ENPP6: variants seen among roughly 807,000 people sequenced by gnomAD.
ENPP6 encodes the protein glycerophosphocholine cholinephosphodiesterase ENPP6.
ENPP6 carries 32 observed loss-of-function variants against 42.0 expected under a neutral mutation model. That is an observed-to-expected ratio of 0.76 (90% CI 0.58 to 1.02). The LOEUF is 1.02. ENPP6 is among the 50% of genes least tolerant of loss of function. The pLI is 0.00. For synonymous variants in ENPP6, 213 were observed against 216.0 expected (o/e 0.99, Z 0.12); for missense variants, 552 against 566.8 (o/e 0.97, Z 0.27).
At chr4:184,153,880 A>ATTT in intron 1 of ENPP6, 147 bp from the exon 2 acceptor site, 8 of 833,076 alleles carry the variant, frequency 9.6e-6, no homozygotes, top group Non-Finnish European at 1.2e-5. Flanking sequence ...AAAAAATCAG[A>ATTT]TTTTTTTTTC....
At chr4:184,183,996 C>A (rs1301990868) in intron 1 of ENPP6, among the ~76,000 whole-genome samples, 2 of 152,122 alleles carry the variant, frequency 1.3e-5, no homozygotes, top group African/African-American at 2.4e-5. Flanking sequence ...GTGCTCAGGG[C>A]GATCCTGGAA....
intron 1 of ENPP6, among the ~76,000 whole-genome samples, chr4:184,160,609 C>G (rs1737243569): frequency 6.6e-6 from 1 of 152,180 alleles, no homozygotes; most frequent in Non-Finnish European, 1.5e-5. Context: ...ATATACATAG[C>G]ACATAGTGAG....
chr4:184,165,678 G>C (rs1377793235), intron 1 of ENPP6, among the ~76,000 whole-genome samples: 1 of 152,208 alleles, frequency 6.6e-6, no homozygotes, highest in Non-Finnish European at 1.5e-5. Flanking sequence ...ATCAACAAAG[G>C]AGATGGTAAT....
At chr4:184,092,743 G>T (rs1299593462) in intron 7 of ENPP6, among the ~76,000 whole-genome samples, 1 of 152,334 alleles carries the variant, frequency 6.6e-6, no homozygotes, top group Non-Finnish European at 1.5e-5. Context: ...CATTGATAAA[G>T]GCCTGTGCCT....
intron 1 of ENPP6, among the ~76,000 whole-genome samples, chr4:184,201,137 G>A (rs1719445316): frequency 6.6e-6 from 1 of 152,138 alleles, no homozygotes; most frequent in South Asian, 2.1e-4. Flanking sequence ...CCCCAGCTCT[G>A]CCCCAGGTCT....
intron 1 of ENPP6, among the ~76,000 whole-genome samples, chr4:184,213,703 C>T (rs1395744883): frequency 1.3e-5 from 2 of 149,262 alleles, no homozygotes; most frequent in Admixed American, 6.7e-5. Context: ...GGATCTAGAA[C>T]TGGAAATACC....
chr4:184,140,294 C>A (rs1354104209), intron 2 of ENPP6, among the ~76,000 whole-genome samples: 17 of 151,140 alleles, frequency 1.1e-4, no homozygotes, highest in Admixed American at 5.9e-4. Context: ...GAATCAATAT[C>A]GTGAAAATGG....
chr4:184,167,246 G>A (rs902446651), intron 1 of ENPP6, among the ~76,000 whole-genome samples: 2 of 152,202 alleles, frequency 1.3e-5, no homozygotes, highest in Non-Finnish European at 2.9e-5. Context: ...CTCCCGAGTA[G>A]TTGAGATTAC....
chr4:184,107,966 G>A (rs1357496991), intron 6 of ENPP6, among the ~76,000 whole-genome samples: 4 of 151,374 alleles, frequency 2.6e-5, no homozygotes, highest in Admixed American at 2.6e-4. Context: ...TTTCAGTGAC[G>A]CCTCTCTAAG....
At chr4:184,139,657 A>ATC (rs1736788992) in intron 2 of ENPP6, among the ~76,000 whole-genome samples, 1 of 85,704 alleles carries the variant, frequency 1.2e-5, no homozygotes, top group Non-Finnish European at 2.4e-5. Flanking sequence ...ATGATTTCCA[A>ATC]TCATCCATGT....
chr4:184,121,761 G>A (rs928785260), intron 3 of ENPP6, among the ~76,000 whole-genome samples: 1 of 152,208 alleles, frequency 6.6e-6, no homozygotes, highest in African/African-American at 2.4e-5. Flanking sequence ...GCTCTTGACT[G>A]GTCTAGACTG....
At chr4:184,143,571 C>T (rs1004153617) in intron 2 of ENPP6, among the ~76,000 whole-genome samples, 2 of 152,328 alleles carry the variant, frequency 1.3e-5, no homozygotes, top group East Asian at 1.9e-4. Context: ...CCATGGACCT[C>T]GTGGCCTCTC....
At chr4:184,092,194 G>A (rs750213786) in intron 7 of ENPP6, among the ~76,000 whole-genome samples, 4 of 151,940 alleles carry the variant, frequency 2.6e-5, no homozygotes, top group Admixed American at 6.6e-5. Flanking sequence ...CTGCCCCATC[G>A]AGGTCACAGG....
intron 3 of ENPP6, among the ~76,000 whole-genome samples, chr4:184,121,645 G>A (rs1032245652): frequency 7.2e-5 from 11 of 152,200 alleles, no homozygotes; most frequent in African/African-American, 2.4e-4. Context: ...AAGGGTCTCT[G>A]ATGGACAGAC....
chr4:184,161,528 G>A (rs1737255901), intron 1 of ENPP6, among the ~76,000 whole-genome samples: 1 of 152,032 alleles, frequency 6.6e-6, no homozygotes, highest in African/African-American at 2.4e-5. Context: ...CCCACTCCTG[G>A]GTATCTACCC....
At chr4:184,201,114 G>A (rs550649622) in intron 1 of ENPP6, among the ~76,000 whole-genome samples, 28 of 152,202 alleles carry the variant, frequency 1.8e-4, no homozygotes, top group Admixed American at 3.3e-4. Flanking sequence ...CACAGCACGC[G>A]CGCCCCCAGG....
chr4:184,110,645 G>A (rs1395448186), intron 6 of ENPP6, among the ~76,000 whole-genome samples: 1 of 152,186 alleles, frequency 6.6e-6, no homozygotes, highest in Non-Finnish European at 1.5e-5. Flanking sequence ...GGGATATGAT[G>A]TGATGCATGG....
chr4:184,147,352 G>A (rs1184039200), intron 2 of ENPP6, among the ~76,000 whole-genome samples: 1 of 152,178 alleles, frequency 6.6e-6, no homozygotes, highest in African/African-American at 2.4e-5. Context: ...TGTGTCAGTT[G>A]CCCTCATTCA....
intron 2 of ENPP6, among the ~76,000 whole-genome samples, chr4:184,129,295 C>A (rs61075721): frequency 2.3e-5 from 2 of 88,198 alleles, no homozygotes; most frequent in Admixed American, 1.5e-4. Context: ...CCAACATACA[C>A]ACACACACAC....
Sources: gnomAD v4.1 joint callset for allele counts (sites outside exome capture counted in the v4.1 genomes callset) on GRCh38, gnomAD v4.1.1 for gene constraint, MANE v1.5 for transcripts, NCBI Gene and HGNC (gene_info 2026-07-23, HGNC 2026-07-21) for gene names.